Variants in PRH1 observed in about 807,000 individuals in gnomAD.
PRH1 encodes salivary acidic proline-rich phosphoprotein 1/2.
Under a neutral mutation model 7.9 loss-of-function variants are expected in PRH1, and 7 were observed. The observed-to-expected ratio is 0.89, with a 90% CI of 0.50 to 1.67. PRH1 has a LOEUF of 1.67. Ranked by LOEUF, PRH1 falls within the 40% of genes most tolerant of loss-of-function variation. The pLI is 0.00. For missense variants in PRH1, 109 were observed against 223.6 expected (o/e 0.49, Z 3.27); for synonymous variants, 45 against 80.8 (o/e 0.56, Z 2.38).
intron 2 of PRH1, among the ~76,000 whole-genome samples, chr12:10,949,415 G>C (rs997897089): frequency 6.6e-6 from 1 of 152,106 alleles, no homozygotes; most frequent in African/African-American, 2.4e-5. Flanking sequence ...GTGGCAGAGA[G>C]GTTTTCAGTT....
chr12:11,112,003 C>T (rs1343132174), intron 1 of PRH1, among the ~76,000 whole-genome samples: 1 of 152,126 alleles, frequency 6.6e-6, no homozygotes, highest in Admixed American at 6.5e-5. Context: ...TACAAACTAT[C>T]ATCAGAGAAT....
chr12:10,928,931 T>C (rs1485446570), intron 2 of PRH1, among the ~76,000 whole-genome samples: 2 of 152,198 alleles, frequency 1.3e-5, no homozygotes, highest in Non-Finnish European at 2.9e-5. Flanking sequence ...ATAGCAGTCT[T>C]TCCAAACAGA....
At chr12:11,100,862 T>C (rs537298018) in intron 1 of PRH1, among the ~76,000 whole-genome samples, 5 of 152,268 alleles carry the variant, frequency 3.3e-5, no homozygotes, top group African/African-American at 1.2e-4. Context: ...AAAAAATTTA[T>C]AGTAACAAAA....
Position 11,168,304 on chromosome 12 carries a change from G to GA in PRH1, n.39+3117dup, listed in dbSNP as rs1565726024. On this transcript the variant is annotated intron_variant and non_coding_transcript_variant, in intron 1 of 1. Transcript: ENST00000541175. ...AGAAAGAAAGAAAGAAAGAAAGAAG[G>GA]AAGGAAGGAAGGAAGGAAGGAAGGA... 1.1e-3 allele frequency among the ~76,000 whole-genome samples: 40 copies of GA among 36,774 alleles called. 17 individuals are homozygous for GA. The highest frequency in any genetic ancestry group is 0.025 in the Middle Eastern group (2 of 80). 24.1% of individuals were successfully genotyped at this position (36,774 alleles called of 152,430 possible). A position where few individuals can be genotyped will look rare whatever the true frequency, so the allele number is the denominator to read the frequency against.
chr12:11,048,599 T>C (rs964447494), upstream of PRH1: 8 of 600,422 alleles, frequency 1.3e-5, no homozygotes, highest in African/African-American at 1.5e-4. Context: ...ACCTTGGTGC[T>C]GAGATGTTGA....
chr12:11,163,971 A>C (rs1469512451), intron 1 of PRH1, among the ~76,000 whole-genome samples: 1 of 152,208 alleles, frequency 6.6e-6, no homozygotes, highest in African/African-American at 2.4e-5. Flanking sequence ...ACTGGCACTT[A>C]GGTATCTACA....
chr12:11,092,067 T>C (rs374815304), intron 1 of PRH1: 20 of 1,547,204 alleles, frequency 1.3e-5, no homozygotes, highest in Middle Eastern at 3.4e-4. Flanking sequence ...AAACCAACTC[T>C]GGAGACCGCC....
At chr12:10,990,353 G>GTGAT (rs1939874306) in intron 1 of PRH1, among the ~76,000 whole-genome samples, 1 of 152,168 alleles carries the variant, frequency 6.6e-6, no homozygotes, top group African/African-American at 2.4e-5. Context: ...TGTTTGATGA[G>GTGAT]TGATAGTGTT....
chr12:10,929,975 T>C (rs2135864979), intron 2 of PRH1, among the ~76,000 whole-genome samples: 2 of 152,290 alleles, frequency 1.3e-5, no homozygotes, highest in South Asian at 4.1e-4. Context: ...GATCCCCAAA[T>C]ATTTCATTGA....
At chr12:11,049,418 A>G (rs564371263), upstream of PRH1, among the ~76,000 whole-genome samples, 1 of 152,406 alleles carries the variant, frequency 6.6e-6, no homozygotes, top group East Asian at 1.9e-4. Context: ...AAGCACCATC[A>G]TATGCTAATG....
rs1591767733 is a variant in PRH1, at chr12:10,985,770, A to T, written c.-125-12049T>A. 1.9e-5 allele frequency: 11 copies of T among 585,316 alleles called. No individual in the cohort carries two copies. The South Asian group carries it at 2.8e-4, about 15-fold the overall frequency. 36.3% of individuals were successfully genotyped at this position (585,316 alleles called of 1,614,324 possible). A position where few individuals can be genotyped will look rare whatever the true frequency, so the allele number is the denominator to read the frequency against. On this transcript the variant is annotated intron_variant, in intron 1 of 3. Transcript: ENST00000539853. ...CATATACAGATGCACACACATAGAT[A>T]CACTTTTAGACTAACTTTAGGTAAA...
rs553192351 is a variant in PRH1, at chr12:10,889,297, T to G, written c.-58-5022A>C. 7.2e-5 allele frequency among the ~76,000 whole-genome samples: 11 copies of G among 152,352 alleles called. No individual in the cohort carries two copies. In the South Asian group the frequency reaches 2.1e-3, roughly 29 times the overall value. ...GATATTTTTATTGAACATAAACATC[T>G]GGTAGACCATTTCTACTTTTGAGCA... On this transcript the variant is annotated intron_variant, in intron 2 of 3. Transcript: ENST00000539853.
chr12:11,146,009 T>C (rs141027084), intron 1 of PRH1, among the ~76,000 whole-genome samples: 3 of 152,236 alleles, frequency 2.0e-5, no homozygotes, highest in African/African-American at 7.2e-5. Flanking sequence ...TACATGCATA[T>C]CAAAAAGTAT....
chr12:10,904,746 C>A (rs555330606), intron 2 of PRH1, among the ~76,000 whole-genome samples: 48 of 152,062 alleles, frequency 3.2e-4, no homozygotes, highest in Non-Finnish European at 3.7e-4. Flanking sequence ...AACAGACAAC[C>A]TATAGAATGT....
chr12:11,057,425 AG>A (rs1411779696), intron 1 of PRH1, among the ~76,000 whole-genome samples: 2 of 152,234 alleles, frequency 1.3e-5, no homozygotes, highest in African/African-American at 2.4e-5. Context: ...TACGTATGGC[AG>A]CTGGCAGGAC....
At chr12:11,101,665 G>A (rs965409834) in intron 1 of PRH1, among the ~76,000 whole-genome samples, 3 of 151,906 alleles carry the variant, frequency 2.0e-5, no homozygotes, top group African/African-American at 7.3e-5. Flanking sequence ...ATTTTTTATT[G>A]TGGAGCAAAA....
intron 1 of PRH1, among the ~76,000 whole-genome samples, chr12:11,014,792 G>C (rs1469705865): frequency 6.6e-6 from 1 of 152,104 alleles, no homozygotes; most frequent in Non-Finnish European, 1.5e-5. Flanking sequence ...CCAGAGGAAA[G>C]GACACACATC....
rs1944661320 is a variant in PRH1 at position 11,085,638 on chromosome 12, A to C, written n.124-38450T>G. Among the ~76,000 whole-genome samples, 2 of 116,160 alleles carry C rather than the reference A, an allele frequency of 1.7e-5. 1 individual carries two copies. The highest frequency in any genetic ancestry group is 4.1e-5 in the Non-Finnish European group (2 of 49,126). 76.2% of individuals were successfully genotyped at this position (116,160 alleles called of 152,430 possible). A position where few individuals can be genotyped will look rare whatever the true frequency, so the allele number is the denominator to read the frequency against. The stretch of plus-strand genomic sequence containing the variant: ...GAGTTCAGGGCTGACTTAACGGAAA[A>C]TATGATAATTTCCAAAACAGCTGAA... On this transcript the variant is annotated intron_variant and non_coding_transcript_variant, in intron 1 of 4. Transcript: ENST00000541977.
downstream of PRH1, among the ~76,000 whole-genome samples, chr12:11,116,567 TC>T (rs1945736725): frequency 6.6e-6 from 1 of 152,044 alleles, no homozygotes; most frequent in Non-Finnish European, 1.5e-5. Context: ...ACTTCCAGGC[TC>T]ATTCTTGAAA....
Sources: gnomAD v4.1 joint callset for allele counts (sites outside exome capture counted in the v4.1 genomes callset) on GRCh38, gnomAD v4.1.1 for gene constraint, MANE v1.5 for transcripts, NCBI Gene and HGNC (gene_info 2026-07-23, HGNC 2026-07-21) for gene names.